The following SLC27A2 variants were observed in gnomAD, a reference collection of about 807,000 sequenced individuals.
SLC27A2 encodes solute carrier family 27 member 2.
Under a neutral mutation model 60.0 loss-of-function variants are expected in SLC27A2, and 54 were observed. The observed-to-expected ratio is 0.90, with a 90% CI of 0.72 to 1.13. SLC27A2 has a LOEUF of 1.13. Ranked by LOEUF, SLC27A2 falls within the 50% of genes most tolerant of loss-of-function variation. SLC27A2 has a pLI of 0.00. For missense variants in SLC27A2, 739 were observed against 777.6 expected, an observed-to-expected ratio of 0.95 and a Z score of 0.59; for synonymous variants, 297 against 297.6, an observed-to-expected ratio of 1.00 and a Z score of 0.02.
chr15:50,207,330 T>C (rs2045120701), intron 4 of SLC27A2, among the ~76,000 whole-genome samples: 2 of 152,300 alleles, frequency 1.3e-5, no homozygotes, highest in African/African-American at 4.8e-5. Context: ...GTTTTACAAC[T>C]TCAAAATATA....
chr15:50,188,043 G>C (rs568677462), intron 1 of SLC27A2, among the ~76,000 whole-genome samples: 1 of 151,520 alleles, frequency 6.6e-6, no homozygotes, highest in Non-Finnish European at 1.5e-5. Context: ...ATGGGATGGA[G>C]AAATAAGATG....
At chr15:50,231,493 TTATG>T (rs896865005) in intron 8 of SLC27A2, among the ~76,000 whole-genome samples, 2 of 152,150 alleles carry the variant, frequency 1.3e-5, no homozygotes, top group Non-Finnish European at 2.9e-5. Flanking sequence ...AAATTTTATG[TTATG>T]TGTTTATCAC....
At chr15:50,229,442 T>C (rs1218046452) in intron 8 of SLC27A2, among the ~76,000 whole-genome samples, 1 of 152,236 alleles carries the variant, frequency 6.6e-6, no homozygotes, top group Non-Finnish European at 1.5e-5. Context: ...GTGGATTTTG[T>C]ACAGCCTCTT....
chr15:50,210,531 G>A (rs897347719), intron 4 of SLC27A2, among the ~76,000 whole-genome samples: 4 of 152,200 alleles, frequency 2.6e-5, no homozygotes, highest in Non-Finnish European at 5.9e-5. Context: ...TGGCACCACA[G>A]GGATCCATCA....
intron 9 of SLC27A2, among the ~76,000 whole-genome samples, chr15:50,234,765 A>T (rs776617961): frequency 1.3e-4 from 20 of 152,084 alleles, no homozygotes; most frequent in Non-Finnish European, 2.1e-4. Flanking sequence ...TCTAAAAAAA[A>T]ATATATCAGA....
intron 4 of SLC27A2, among the ~76,000 whole-genome samples, chr15:50,219,834 G>T (rs1204202305): frequency 6.6e-6 from 1 of 152,128 alleles, no homozygotes; most frequent in Admixed American, 6.5e-5. Flanking sequence ...TCCCCCAGGT[G>T]TGTTTGCATG....
At position 50,227,021 on chromosome 15, in the gene SLC27A2, C is replaced by A. The variant is rs756849779; in HGVS notation, c.1300C>A (p.Pro434Thr). The change falls in exon 7 of 10, where the codon CCA becomes ACA. Residue 434 changes from proline (P) to threonine (T), a missense_variant. Transcript: ENST00000267842. ...LLVCKITQLTPFNGYAGAKAQ... is the reference protein window; with the variant it reads ...LLVCKITQLTTFNGYAGAKAQ... ...GGTTTGCAAAATCACACAACTTACA[C>A]CATTTAATGGCTATGCTGGAGCAAA... The A allele has an allele frequency of 3.1e-6, 5 of 1,614,000 alleles. No individual in the cohort carries two copies. In the Admixed American group the frequency reaches 8.3e-5, roughly 27 times the overall value.
intron 4 of SLC27A2, among the ~76,000 whole-genome samples, chr15:50,219,372 G>A (rs1431336862): frequency 6.6e-6 from 1 of 152,126 alleles, no homozygotes; most frequent in Non-Finnish European, 1.5e-5. Flanking sequence ...GGTCTTTCAG[G>A]ACTATTTGTT....
At chr15:50,206,344 AT>A (rs1296833230) in intron 4 of SLC27A2, among the ~76,000 whole-genome samples, 1 of 152,154 alleles carries the variant, frequency 6.6e-6, no homozygotes, top group Non-Finnish European at 1.5e-5. Context: ...CCAGATTCTA[AT>A]CCCTTTCACC....
chr15:50,182,538 C>A lies in SLC27A2; in HGVS notation c.111C>A (p.Ala37=). ...ACATAGGCTACTTCTTGAAGGTGGCCGCCGTGGGCCGGAGGGTGCGCAGCT... is the reference window on the plus strand; with the variant it reads ...ACATAGGCTACTTCTTGAAGGTGGCAGCCGTGGGCCGGAGGGTGCGCAGCT... ...FQDIGYFLKV[A]AVGRRVRSYG... Residue 37 remains alanine, a synonymous_variant, in exon 1 of 10, where the codon GCC becomes GCA. Transcript: ENST00000267842. 6.2e-7 allele frequency: 1 copy of A among 1,612,670 alleles called. No homozygotes were observed. The highest frequency in any genetic ancestry group is 8.5e-7 in the Non-Finnish European group (1 of 1,179,394).
At chr15:50,222,145 T>A (rs1010533838) in intron 4 of SLC27A2, 2 of 152,242 alleles carry the variant, frequency 1.3e-5, no homozygotes, top group African/African-American at 4.8e-5. Flanking sequence ...CTCCTTTCAG[T>A]CCTTACACCC....
intron 6 of SLC27A2, among the ~76,000 whole-genome samples, chr15:50,226,295 G>T (rs1011551690): frequency 6.6e-6 from 1 of 152,170 alleles, no homozygotes; most frequent in East Asian, 1.9e-4. Context: ...ACAACTTCTT[G>T]CTTATGAGGT....
intron 4 of SLC27A2, among the ~76,000 whole-genome samples, chr15:50,207,768 C>T (rs572630265): frequency 2.0e-4 from 28 of 139,242 alleles, no homozygotes; most frequent in East Asian, 6.2e-4. Flanking sequence ...CAAGCCTGGG[C>T]GACAGAACAA....
In SLC27A2 at chr15:50,185,549, A is replaced by G. The variant is rs139742391; in HGVS notation, c.478+2644A>G. ...CCCTATAATCCTGTAAGTTTAATGAATGTGTTATACTTTAAAAAAAAAAGT... is the reference window on the plus strand; with the variant it reads ...CCCTATAATCCTGTAAGTTTAATGAGTGTGTTATACTTTAAAAAAAAAAGT... On this transcript the variant is annotated intron_variant, in intron 1 of 9. Transcript: ENST00000267842. Among the ~76,000 whole-genome samples the G allele has an allele frequency of 1.1e-4, 16 of 151,162 alleles. No individual in the cohort carries two copies. In the East Asian group the frequency reaches 2.3e-3, roughly 22 times the overall value.
intron 1 of SLC27A2, among the ~76,000 whole-genome samples, chr15:50,197,039 A>G (rs2045028867): frequency 2.0e-5 from 3 of 152,168 alleles, no homozygotes; most frequent in Admixed American, 6.6e-5. Context: ...ACACACGGAT[A>G]TTTCTTGGGT....
intron 8 of SLC27A2, among the ~76,000 whole-genome samples, 164 bp from the exon 9 acceptor site, chr15:50,233,704 A>C (rs974331669): frequency 6.6e-6 from 1 of 152,244 alleles, no homozygotes; most frequent in Non-Finnish European, 1.5e-5. Context: ...TGCTATTAGT[A>C]TTAGTACAAT....
intron 4 of SLC27A2, among the ~76,000 whole-genome samples, chr15:50,212,070 C>CAAAAAA (rs1171050015): frequency 2.1e-5 from 1 of 48,516 alleles, no homozygotes; most frequent in Non-Finnish European, 4.1e-5. Context: ...GACTCTGTCT[C>CAAAAAA]AAAAAAAAAA....
intron 1 of SLC27A2, among the ~76,000 whole-genome samples, chr15:50,195,476 G>A (rs1240859265): frequency 1.3e-5 from 2 of 152,018 alleles, no homozygotes; most frequent in African/African-American, 4.8e-5. Context: ...GGGTGACAAA[G>A]TGAGACTCTG....
chr15:50,215,524 A>C (rs1212180257), intron 4 of SLC27A2, among the ~76,000 whole-genome samples: 2 of 152,196 alleles, frequency 1.3e-5, no homozygotes, highest in African/African-American at 4.8e-5. Flanking sequence ...CTAAGCAAAA[A>C]GAACAAATCT....
Sources: gnomAD v4.1 joint callset for allele counts (sites outside exome capture counted in the v4.1 genomes callset) on GRCh38, gnomAD v4.1.1 for gene constraint, MANE v1.5 for transcripts, NCBI Gene and HGNC (gene_info 2026-07-23, HGNC 2026-07-21) for gene names.